The following KALRN variants were observed in gnomAD, a reference collection of about 807,000 sequenced individuals.
KALRN encodes the protein kalirin RhoGEF kinase.
In KALRN, 70 loss-of-function variants were observed where a neutral mutation model predicts 353.7. The observed-to-expected ratio is 0.20, with a 90% CI of 0.16 to 0.24. KALRN has a LOEUF of 0.24. KALRN is among the 10% of genes least tolerant of loss of function. The pLI, the probability that KALRN is intolerant of heterozygous loss-of-function variation, is 1.00. For missense variants in KALRN, 2,791 were observed against 3,756.7 expected (o/e 0.74, Z 6.72); for synonymous variants, 1,391 against 1,434.8 (o/e 0.97, Z 0.69).
intron 6 of KALRN, among the ~76,000 whole-genome samples, chr3:124,322,670 A>G (rs1230328733): frequency 6.6e-6 from 1 of 152,244 alleles, no homozygotes; most frequent in Non-Finnish European, 1.5e-5. Context: ...ACCAAAGGCC[A>G]TGAAAAGTCG....
chr3:124,348,677 T>C (rs1430136727), intron 10 of KALRN, among the ~76,000 whole-genome samples: 4 of 152,152 alleles, frequency 2.6e-5, no homozygotes, highest in Non-Finnish European at 5.9e-5. Flanking sequence ...GATCCAGCAA[T>C]TCCACTTCAG....
At chr3:124,346,209 T>C (rs150494843) in intron 9 of KALRN, among the ~76,000 whole-genome samples, 1 of 152,290 alleles carries the variant, frequency 6.6e-6, no homozygotes, top group East Asian at 1.9e-4. Flanking sequence ...ACATTTTTGT[T>C]AGGCCATCTG....
At chr3:124,541,612 C>A (rs2069040983) in intron 33 of KALRN, among the ~76,000 whole-genome samples, 1 of 151,800 alleles carries the variant, frequency 6.6e-6, no homozygotes, top group Non-Finnish European at 1.5e-5. Flanking sequence ...ATCGGCCGGG[C>A]ACAGTGGCTT....
At chr3:124,643,263 A>G (rs2082309871) in intron 37 of KALRN, among the ~76,000 whole-genome samples, 3 of 151,978 alleles carry the variant, frequency 2.0e-5, no homozygotes, top group Admixed American at 2.0e-4. Context: ...TTCTCCTGCA[A>G]TGGCCTCCCA....
rs2085654708 is a variant in KALRN at position 124,666,567 on chromosome 3, T to C, written c.6464T>C (p.Val2155Ala). The change falls in exon 46 of 60, where the codon GTC becomes GCC. Residue 2155 changes from valine (V) to alanine (A), a missense_variant. Coordinates refer to ENST00000682506, the MANE Select transcript of KALRN (RefSeq NM_001388419.1). The part of the protein sequence containing the change: ...ERRVFLFEQI[V>A]IFSELLRKGS... ...CGCGTGTTCCTCTTCGAGCAGATTG[T>C]CATCTTCAGTGAACTGCTCAGGAAG... 1.2e-6 allele frequency: 2 copies of C among 1,614,092 alleles called. No homozygotes were observed. Among genetic ancestry groups the C allele is most frequent in the Non-Finnish European group, 1.7e-6 (2 of 1,179,962 alleles).
chr3:124,144,954 C>A (rs762163889), intron 1 of KALRN, among the ~76,000 whole-genome samples: 9 of 152,078 alleles, frequency 5.9e-5, no homozygotes, highest in Admixed American at 4.6e-4. Flanking sequence ...ATTTGTGGAG[C>A]CTTCTGGGTG....
rs1402242082 is a variant in KALRN at position 124,721,759 on chromosome 3, C to A, written c.*2289C>A. 1.3e-5 allele frequency: 2 copies of A among 152,186 alleles called. No individual in the cohort carries two copies. Among genetic ancestry groups the A allele is most frequent in the Non-Finnish European group, 1.5e-5 (1 of 68,058 alleles). 9.4% of individuals were successfully genotyped at this position (152,186 alleles called of 1,614,324 possible). On this transcript the variant is annotated 3_prime_UTR_variant, in exon 60 of 60. Transcript: ENST00000682506. ...GATCACAAGGTCAGCAGTTCGAGAC[C>A]AGCCTGACTAACATGGTGAAACCCT...
At chr3:124,126,427 T>G (rs2064681408) in intron 1 of KALRN, among the ~76,000 whole-genome samples, 1 of 152,192 alleles carries the variant, frequency 6.6e-6, no homozygotes, top group South Asian at 2.1e-4. Context: ...TGAGGCTTCT[T>G]CCTGCTCCCC....
chr3:124,227,455 T>C (rs2078651363), intron 1 of KALRN, among the ~76,000 whole-genome samples: 1 of 152,102 alleles, frequency 6.6e-6, no homozygotes, highest in South Asian at 2.1e-4. Context: ...TTTCCTTGTT[T>C]GTAAAATAAA....
chr3:124,246,897 G>A (rs1175470683), intron 3 of KALRN, among the ~76,000 whole-genome samples: 1 of 152,148 alleles, frequency 6.6e-6, no homozygotes, highest in Non-Finnish European at 1.5e-5. Flanking sequence ...GAATATAGAT[G>A]CTGGAGAGAC....
rs555871058 is a variant in KALRN at position 124,673,909 on chromosome 3, C to T, written c.6943-455C>T. On this transcript the variant is annotated intron_variant, in intron 48 of 59. Transcript: ENST00000682506. ...GGGTCAGAATATAAAGTAAAGCCAGCGCACTTTCAAAAAGAGAAAAATTTA... is the reference window on the plus strand; with the variant it reads ...GGGTCAGAATATAAAGTAAAGCCAGTGCACTTTCAAAAAGAGAAAAATTTA... 7.2e-5 allele frequency among the ~76,000 whole-genome samples: 11 copies of T among 152,220 alleles called. No individual in the cohort carries two copies. The East Asian group carries it at 7.7e-4, about 11-fold the overall frequency.
chr3:124,153,823 G>A (rs2068559741), intron 1 of KALRN, among the ~76,000 whole-genome samples: 2 of 152,080 alleles, frequency 1.3e-5, no homozygotes, highest in African/African-American at 4.8e-5. Context: ...ACTGGTGTGA[G>A]ATGTTATCTC....
rs75263176 is a variant in KALRN, at chr3:124,096,347, G to T, written c.73+62534G>T. Among the ~76,000 whole-genome samples the T allele has an allele frequency of 2.8e-4, 42 of 152,290 alleles. 1 individual carries two copies. The East Asian group carries it at 7.3e-3, about 27-fold the overall frequency. Reference sequence around the variant, plus strand: ...GCACAAACAAAGTACTCTTTAAATGGTAGTTTTCATTACCAAGGCAGTTAA... The same window carrying T: ...GCACAAACAAAGTACTCTTTAAATGTTAGTTTTCATTACCAAGGCAGTTAA... On this transcript the variant is annotated intron_variant, in intron 1 of 59. Transcript: ENST00000682506.
intron 38 of KALRN, among the ~76,000 whole-genome samples, chr3:124,653,885 T>C (rs1328799124): frequency 1.3e-5 from 2 of 152,272 alleles, no homozygotes; most frequent in African/African-American, 4.8e-5. Flanking sequence ...GCAATTTAAA[T>C]CCTTGATGTC....
intron 37 of KALRN, among the ~76,000 whole-genome samples, chr3:124,640,977 G>A (rs1459966301): frequency 6.6e-6 from 1 of 152,016 alleles, no homozygotes; most frequent in Non-Finnish European, 1.5e-5. Context: ...CGCTTTATTG[G>A]TTGCTCAAGC....
intron 50 of KALRN, 109 bp downstream of exon 50, chr3:124,678,422 T>G: frequency 3.2e-6 from 4 of 1,238,252 alleles, no homozygotes; most frequent in Non-Finnish European, 4.5e-6. Context: ...TTTCCCAGTA[T>G]GGGTACCAGA....
intron 1 of KALRN, among the ~76,000 whole-genome samples, chr3:124,195,659 A>G (rs907577048): frequency 1.2e-4 from 18 of 152,188 alleles, no homozygotes; most frequent in Admixed American, 1.1e-3. Flanking sequence ...AATTGGCTCC[A>G]CAAGAGCCTA....
At chr3:124,233,186 A>T (rs986667277) in intron 2 of KALRN, among the ~76,000 whole-genome samples, 2 of 152,146 alleles carry the variant, frequency 1.3e-5, no homozygotes, top group African/African-American at 4.8e-5. Context: ...AAGGAAGGTC[A>T]GGAAAAAAAC....
intron 33 of KALRN, among the ~76,000 whole-genome samples, chr3:124,558,763 T>G (rs1443778595): frequency 1.3e-5 from 2 of 152,210 alleles, no homozygotes; most frequent in African/African-American, 4.8e-5. Context: ...ACACAGTTGG[T>G]GAGGAGCTGC....
Sources: gnomAD v4.1 joint callset for allele counts (sites outside exome capture counted in the v4.1 genomes callset) on GRCh38, gnomAD v4.1.1 for gene constraint, MANE v1.5 for transcripts, NCBI Gene and HGNC (gene_info 2026-07-23, HGNC 2026-07-21) for gene names.